SUV39H2: variants seen among roughly 807,000 people sequenced by gnomAD.
SUV39H2 encodes SUV39H2 histone lysine methyltransferase.
In SUV39H2, 10 loss-of-function variants were observed where a neutral mutation model predicts 47.5. That is an observed-to-expected ratio of 0.21 (90% CI 0.13 to 0.36). The LOEUF (loss-of-function observed/expected upper bound fraction) is 0.36. Ranked by LOEUF, SUV39H2 falls within the 10% of genes least tolerant of loss-of-function variation. SUV39H2 has a pLI of 1.00. For synonymous variants in SUV39H2, 159 were observed against 166.8 expected (o/e 0.95, Z 0.36); for missense variants, 266 against 487.4 (o/e 0.55, Z 4.28).
intron 1 of SUV39H2, 116 bp downstream of exon 1, chr10:14,879,035 C>T (rs935657058): frequency 6.8e-6 from 9 of 1,319,300 alleles, no homozygotes; most frequent in African/African-American, 4.7e-5. Flanking sequence ...TCCCCGCCCG[C>T]CGCGACCCCA....
intron 2 of SUV39H2, among the ~76,000 whole-genome samples, chr10:14,887,913 G>A (rs1349343700): frequency 1.3e-5 from 2 of 152,164 alleles, no homozygotes; most frequent in African/African-American, 4.8e-5. Context: ...GGGATATGTG[G>A]GAGGGATTTC....
rs971598982 is a variant in SUV39H2, at chr10:14,903,948, C to G, written c.*1436C>G. ...TATTGCTATGACAACTTCACTCTTT[C>G]ATAATATATAGGATAAATTGTTTAC... On this transcript the variant is annotated 3_prime_UTR_variant, in exon 6 of 6. Transcript: ENST00000354919. 4 of 152,174 alleles carry G rather than the reference C, an allele frequency of 2.6e-5. No individual in the cohort carries two copies. Among genetic ancestry groups the G allele is most frequent in the African/African-American group, 9.7e-5 (4 of 41,428 alleles). The allele number at this position is 152,174 out of a possible 1,614,324, so 9.4% of individuals were successfully genotyped here. A position where few individuals can be genotyped will look rare whatever the true frequency, so the allele number is the denominator to read the frequency against.
chr10:14,886,652 C>T (rs1004691661), intron 2 of SUV39H2, among the ~76,000 whole-genome samples: 2 of 152,160 alleles, frequency 1.3e-5, no homozygotes, highest in African/African-American at 2.4e-5. Flanking sequence ...TTCTTTTTCT[C>T]GTATACTTAC....
intron 3 of SUV39H2, chr10:14,898,149 T>G (rs1833721917): frequency 6.7e-6 from 1 of 150,194 alleles, no homozygotes; most frequent in African/African-American, 2.4e-5. Flanking sequence ...TTCTAAGCAC[T>G]TGATGTATTA....
intron 2 of SUV39H2, among the ~76,000 whole-genome samples, chr10:14,888,708 T>C (rs897329965): frequency 6.6e-5 from 10 of 151,888 alleles, no homozygotes; most frequent in African/African-American, 2.2e-4. Flanking sequence ...CAGGAGAGTA[T>C]TAAACAGTAG....
chr10:14,884,077 C>T (rs1833130801), intron 2 of SUV39H2, among the ~76,000 whole-genome samples: 1 of 152,202 alleles, frequency 6.6e-6, no homozygotes, highest in African/African-American at 2.4e-5. Context: ...TTATTCATCA[C>T]TTCGTGGCCA....
At chr10:14,891,395 C>T (rs1833384153) in intron 2 of SUV39H2, among the ~76,000 whole-genome samples, 1 of 152,090 alleles carries the variant, frequency 6.6e-6, no homozygotes, top group Non-Finnish European at 1.5e-5. Flanking sequence ...GTTCCCTAGG[C>T]AGGGTGGAAA....
chr10:14,896,997 T>C lies in SUV39H2; in HGVS notation c.329T>C (p.Ile110Thr), dbSNP rs763722911. The part of the protein sequence containing the change: ...YLSQVKKGKA[I>T]TPKDNNKTLK... ...TCTCAGGTAAAGAAAGGCAAAGCAA[T>C]AACTCCAAAAGACAATAACAAAACT... Residue 110 changes from isoleucine (I) to threonine (T), a missense_variant, in exon 3 of 6, where the codon ATA (isoleucine) becomes ACA (threonine). Physicochemically the swap from Ile to Thr is moderately conservative, Grantham distance 89. Transcript: ENST00000354919. The C allele has an allele frequency of 6.2e-6, 10 of 1,613,928 alleles. No individual in the cohort carries two copies. Among genetic ancestry groups the C allele is most frequent in the Non-Finnish European group, 7.6e-6 (9 of 1,180,000 alleles).
At chr10:14,880,116 TA>T (rs1206671987) in intron 1 of SUV39H2, 2 of 152,204 alleles carry the variant, frequency 1.3e-5, no homozygotes, top group Non-Finnish European at 2.9e-5. Flanking sequence ...GGAAGGGACT[TA>T]GGGGGTCATT....
chr10:14,892,112 A>G (rs1833408191), intron 2 of SUV39H2, among the ~76,000 whole-genome samples: 1 of 152,344 alleles, frequency 6.6e-6, no homozygotes, highest in East Asian at 1.9e-4. Context: ...AGTCTCAGCA[A>G]GGAAAATACA....
At chr10:14,904,315 ATTTTTTTTT>A (rs35999949), downstream of SUV39H2, 5 of 77,790 alleles carry the variant, frequency 6.4e-5, no homozygotes, top group African/African-American at 1.8e-4. Flanking sequence ...AAAAAAAAAA[ATTTTTTTTT>A]TTTTTTTTTT....
intron 2 of SUV39H2, among the ~76,000 whole-genome samples, chr10:14,891,858 T>C (rs767294259): frequency 6.6e-6 from 1 of 152,216 alleles, no homozygotes; most frequent in Non-Finnish European, 1.5e-5. Flanking sequence ...GTCATCAGCA[T>C]ATAATTATTA....
chr10:14,902,580 A>G lies in SUV39H2; in HGVS notation c.*68A>G. 1.0e-6 allele frequency: 1 copy of G among 992,648 alleles called. No individual in the cohort carries two copies. Among genetic ancestry groups the G allele is most frequent in the Non-Finnish European group, 1.4e-6 (1 of 693,982 alleles). 61.5% of individuals were successfully genotyped at this position (992,648 alleles called of 1,614,324 possible). On this transcript the variant is annotated 3_prime_UTR_variant, in exon 6 of 6. Transcript: ENST00000354919. ...CTAATGTTAACATTTTTAAAAATAC[A>G]TATTTGGGACTCTTATTATCAAGGT...
chr10:14,890,657 G>A (rs1015307946), intron 2 of SUV39H2, among the ~76,000 whole-genome samples: 2 of 152,142 alleles, frequency 1.3e-5, no homozygotes, highest in South Asian at 2.1e-4. Flanking sequence ...GAGCCACTGT[G>A]CCCAGCCAGA....
rs1250893111 is a variant in SUV39H2 at position 14,894,589 on chromosome 10, G to A, written c.178-2257G>A. 3.4e-5 allele frequency among the ~76,000 whole-genome samples: 2 copies of A among 58,600 alleles called. 1 individual carries two copies. Among genetic ancestry groups the A allele is most frequent in the Non-Finnish European group, 5.7e-5 (2 of 35,344 alleles). The allele number at this position is 58,600 out of a possible 152,430, so 38.4% of individuals were successfully genotyped here. ...TCACCGTGTTAGCCAAGATGGTCTC[G>A]ATCTCCTGACCTCGTGATCCGCCCG... On this transcript the variant is annotated intron_variant, in intron 2 of 5. Coordinates refer to ENST00000354919, the MANE Select transcript of SUV39H2 (RefSeq NM_001193424.2).
chr10:14,891,221 A>G (rs1833378837), intron 2 of SUV39H2, among the ~76,000 whole-genome samples: 1 of 152,166 alleles, frequency 6.6e-6, no homozygotes, highest in South Asian at 2.1e-4. Flanking sequence ...AATTAGGGAG[A>G]ACTTTGTGAA....
rs1832955842 is a variant in SUV39H2 at position 14,878,993 on chromosome 10, C to T, written c.31+74C>T. ...CCCAAGGCCCGGGCGGCGGGGCCGTCCCGCGGGCCAGCCAGATGGCGACGT... is the reference window on the plus strand; with the variant it reads ...CCCAAGGCCCGGGCGGCGGGGCCGTTCCGCGGGCCAGCCAGATGGCGACGT... On this transcript the variant is annotated intron_variant, in intron 1 of 5. Transcript: ENST00000354919. 3.0e-6 allele frequency: 4 copies of T among 1,336,234 alleles called. No individual in the cohort carries two copies. The East Asian group carries it at 9.4e-5, about 31-fold the overall frequency. 82.8% of individuals were successfully genotyped at this position (1,336,234 alleles called of 1,614,324 possible).
At chr10:14,883,864 C>T (rs1254937322) in intron 2 of SUV39H2, among the ~76,000 whole-genome samples, 3 of 152,150 alleles carry the variant, frequency 2.0e-5, no homozygotes, top group African/African-American at 4.8e-5. Context: ...TACCTCCAGC[C>T]GTAGGGCAGC....
Position 14,885,328 on chromosome 10 carries a change from A to C in SUV39H2, c.177+3683A>C, listed in dbSNP as rs116043310. On this transcript the variant is annotated intron_variant, in intron 2 of 5. Transcript: ENST00000354919. ...CCCTATCTTGGTTAACAGAAACATA[A>C]TTCTCCCACTTACCTAACCTCATGA... Among the ~76,000 whole-genome samples, 1,436 of 152,318 alleles carry C rather than the reference A, an allele frequency of 9.4e-3. 23 individuals are homozygous for C. Among genetic ancestry groups the C allele is most frequent in the African/African-American group, 0.032 (1,322 of 41,556 alleles).
Sources: allele counts gnomAD v4.1 joint callset (sites outside exome capture counted in the v4.1 genomes callset), GRCh38; gene constraint gnomAD v4.1.1; transcripts MANE v1.5; gene names NCBI Gene and HGNC (gene_info 2026-07-23, HGNC 2026-07-21).